The following ZDHHC5 variants were observed in gnomAD, a reference collection of about 807,000 sequenced individuals.
ZDHHC5 encodes the protein zDHHC palmitoyltransferase 5, also known as palmitoyltransferase ZDHHC5.
ZDHHC5 carries 22 observed loss-of-function variants against 70.0 expected under a neutral mutation model. The observed-to-expected ratio is 0.31, with a 90% CI of 0.22 to 0.45. The LOEUF (loss-of-function observed/expected upper bound fraction) is 0.45, where lower values mean the gene tolerates loss of function less well. Ranked by LOEUF, ZDHHC5 falls within the 20% of genes least tolerant of loss-of-function variation. The pLI is 1.00. For synonymous variants in ZDHHC5, 313 were observed against 347.8 expected (o/e 0.90, Z 1.11); for missense variants, 746 against 926.9 (o/e 0.80, Z 2.53).
In ZDHHC5 at chr11:57,672,293, G is replaced by A. The variant is rs959627249; in HGVS notation, c.-798G>A. On this transcript the variant is annotated 5_prime_UTR_variant, in exon 2 of 12. Transcript: ENST00000287169. ...AAAGGGCTTGGGAATAACAAGAAGA[G>A]ATTGAAGACAGAGAAGCTTGCCCTG... 5.0e-6 allele frequency: 2 copies of A among 398,354 alleles called. No individual in the cohort carries two copies. The highest frequency in any genetic ancestry group is 4.1e-5 in the African/African-American group (2 of 48,650). The allele number at this position is 398,354 out of a possible 1,614,324, so 24.7% of individuals were successfully genotyped here.
intron 2 of ZDHHC5, among the ~76,000 whole-genome samples, chr11:57,675,106 G>A (rs1240543644): frequency 6.6e-6 from 1 of 152,122 alleles, no homozygotes; most frequent in African/African-American, 2.4e-5. Flanking sequence ...TTAACTAAGG[G>A]ACATTTATAT....
rs1946316883 is a variant in ZDHHC5, at chr11:57,693,889, A to G, written c.859A>G (p.Ile287Val). The change falls in exon 8 of 12, where the codon ATC becomes GTC. Residue 287 changes from isoleucine to valine, a missense_variant. Transcript: ENST00000287169. ...QITVKIMDNG[I>V]QGELRRTKSK... ...AACTGTGAAGATCATGGATAATGGC[A>G]TCCAGGGAGAGCTGAGGAGAACAAA... is the stretch of plus-strand genomic sequence containing the variant. 1 of 1,613,404 alleles carries G rather than the reference A, an allele frequency of 6.2e-7. No individual in the cohort carries two copies. The highest frequency in any genetic ancestry group is 8.5e-7 in the Non-Finnish European group (1 of 1,179,778).
intron 3 of ZDHHC5, among the ~76,000 whole-genome samples, chr11:57,687,776 T>TC (rs1183597690): frequency 1.7e-5 from 2 of 116,606 alleles, no homozygotes; most frequent in African/African-American, 6.2e-5. Flanking sequence ...TTTTTTTTTT[T>TC]TTTTTTAAGA....
intron 3 of ZDHHC5, among the ~76,000 whole-genome samples, chr11:57,685,645 A>G (rs1946199612): frequency 6.6e-6 from 1 of 152,044 alleles, no homozygotes; most frequent in Admixed American, 6.6e-5. Flanking sequence ...GCAAAACTCC[A>G]TCTGAAGAAA....
chr11:57,700,154 A>G lies in ZDHHC5; in HGVS notation c.*123A>G, dbSNP rs1946422260. On this transcript the variant is annotated 3_prime_UTR_variant, in exon 12 of 12. Transcript: ENST00000287169. Reference sequence around the variant, plus strand: ...GACATTTTTTAAACCACCGATTCCAAGAGGATGAGGAGTGTTTTCTAAAAT... The same window carrying G: ...GACATTTTTTAAACCACCGATTCCAGGAGGATGAGGAGTGTTTTCTAAAAT... 2.3e-6 allele frequency: 3 copies of G among 1,291,364 alleles called. No individual in the cohort carries two copies. The highest frequency in any genetic ancestry group is 3.2e-5 in the Admixed American group (1 of 31,556). The allele number at this position is 1,291,364 out of a possible 1,614,324, so 80.0% of individuals were successfully genotyped here.
intron 2 of ZDHHC5, chr11:57,681,493 C>T (rs969386090): frequency 1.3e-5 from 2 of 152,164 alleles, no homozygotes; most frequent in African/African-American, 4.8e-5. Context: ...GTGTTTGATA[C>T]TACTGACAAA....
rs554233260 is a variant in ZDHHC5 at position 57,672,125 on chromosome 11, G to A, written c.-966G>A. On this transcript the variant is annotated 5_prime_UTR_variant, in exon 2 of 12. Transcript: ENST00000287169. ...GAAACAGGGACATCTTTGGAACTTC[G>A]TTTTCATCCACAGTAAACTTTTGAA... The A allele has an allele frequency of 1.8e-5, 7 of 396,898 alleles. No individual in the cohort carries two copies. Among genetic ancestry groups the A allele is most frequent in the East Asian group, 1.4e-4 (4 of 28,020 alleles). The allele number at this position is 396,898 out of a possible 1,614,324, so 24.6% of individuals were successfully genotyped here. A position where few individuals can be genotyped will look rare whatever the true frequency, so the allele number is the denominator to read the frequency against.
At chr11:57,698,336 G>A (rs1946384291) in intron 10 of ZDHHC5, among the ~76,000 whole-genome samples, 1 of 152,128 alleles carries the variant, frequency 6.6e-6, no homozygotes. Flanking sequence ...TTCTGCCCAC[G>A]GGCGAGATAC....
At position 57,698,590 on chromosome 11, in the gene ZDHHC5, C is replaced by T. The variant is rs138361806; in HGVS notation, c.1154C>T (p.Thr385Ile). 5.8e-5 allele frequency: 93 copies of T among 1,611,788 alleles called. No individual in the cohort carries two copies. The highest frequency in any genetic ancestry group is 7.5e-5 in the Non-Finnish European group (89 of 1,178,910). Reference protein sequence around the residue: ...LSRGDSLKEPTSIAESSRHPS... With the variant: ...LSRGDSLKEPISIAESSRHPS... The stretch of plus-strand genomic sequence containing the variant: ...CGTGGGGACAGCTTGAAGGAGCCAA[C>T]CTCAATTGCAGAGAGCAGCCGTCAC... The change falls in exon 11 of 12, where the codon ACC (threonine) becomes ATC (isoleucine). Residue 385 changes from threonine to isoleucine, a missense_variant. Physicochemically the swap from Thr to Ile is moderately conservative, Grantham distance 89. Transcript: ENST00000287169.
intron 3 of ZDHHC5, among the ~76,000 whole-genome samples, chr11:57,684,820 G>A (rs375576003): frequency 1.3e-5 from 2 of 152,112 alleles, no homozygotes; most frequent in Non-Finnish European, 2.9e-5. Flanking sequence ...AAGTAGTTTC[G>A]GGCTGGCAAC....
At chr11:57,689,383 T>A (rs546928051) in intron 4 of ZDHHC5, among the ~76,000 whole-genome samples, 2 of 151,342 alleles carry the variant, frequency 1.3e-5, no homozygotes, top group Non-Finnish European at 2.9e-5. Context: ...ATATATATAT[T>A]TATTTATTTA....
rs1232774519 is a variant in ZDHHC5, at chr11:57,672,953, G to A, written c.-138G>A. The A allele has an allele frequency of 4.4e-6, 3 of 685,274 alleles. No individual in the cohort carries two copies. Among genetic ancestry groups the A allele is most frequent in the Non-Finnish European group, 7.4e-6 (3 of 406,430 alleles). The allele number at this position is 685,274 out of a possible 1,614,324, so 42.4% of individuals were successfully genotyped here. On this transcript the variant is annotated 5_prime_UTR_variant, in exon 2 of 12. Coordinates refer to ENST00000287169, the MANE Select transcript of ZDHHC5 (RefSeq NM_015457.3). ...CTTTGGCTTTATTTGGGAGGGGGAA[G>A]GGTGATAAAGTTTTCTGTTTCCCTG...
intron 2 of ZDHHC5, among the ~76,000 whole-genome samples, chr11:57,676,703 C>A (rs1336730608): frequency 6.6e-6 from 1 of 151,754 alleles, no homozygotes; most frequent in Non-Finnish European, 1.5e-5. Flanking sequence ...GTGAGGCTGG[C>A]ATATAGAGGC....
At chr11:57,685,781 T>A (rs1946201436) in intron 3 of ZDHHC5, among the ~76,000 whole-genome samples, 1 of 151,950 alleles carries the variant, frequency 6.6e-6, no homozygotes. Flanking sequence ...TAATCCCAAC[T>A]CTTTGGGTGG....
chr11:57,698,521 A>G (rs778075494), intron 10 of ZDHHC5, 38 bp from the exon 11 acceptor site: 4 of 1,543,732 alleles, frequency 2.6e-6, no homozygotes, highest in Admixed American at 4.2e-5. Context: ...TTCTGTCACA[A>G]AAGGAGCACT....
In ZDHHC5 at chr11:57,699,030, C is replaced by T. The variant is rs755342726; in HGVS notation, c.1594C>T (p.Arg532Cys). The T allele has an allele frequency of 3.4e-5, 54 of 1,610,774 alleles. No individual in the cohort carries two copies. The highest frequency in any genetic ancestry group is 2.3e-4 in the Admixed American group (14 of 60,010). ...GPTHREPSPV[R>C]YDNLSRHIVA... ...AACACACCGAGAGCCCTCACCAGTC[C>T]GTTACGACAATCTGTCGCGCCACAT... is the stretch of plus-strand genomic sequence containing the variant. The change falls in exon 11 of 12, where the codon CGT becomes TGT. Residue 532 changes from arginine to cysteine, a missense_variant. Arg to Cys is a radical substitution (Grantham distance 180). Coordinates refer to ENST00000287169, the MANE Select transcript of ZDHHC5 (RefSeq NM_015457.3).
At chr11:57,670,018 C>T (rs1432456310) in intron 1 of ZDHHC5, among the ~76,000 whole-genome samples, 1 of 152,144 alleles carries the variant, frequency 6.6e-6, no homozygotes, top group East Asian at 1.9e-4. Context: ...CCTTTCATGA[C>T]TCTGTATTAC....
chr11:57,684,718 TAA>T (rs1459070363), intron 3 of ZDHHC5, among the ~76,000 whole-genome samples: 1 of 152,164 alleles, frequency 6.6e-6, no homozygotes, highest in Non-Finnish European at 1.5e-5. Context: ...ATCAGTGGAC[TAA>T]AAGGTAGAAA....
At chr11:57,681,238 T>TA (rs1457690274) in intron 2 of ZDHHC5, among the ~76,000 whole-genome samples, 1 of 152,202 alleles carries the variant, frequency 6.6e-6, no homozygotes, top group Non-Finnish European at 1.5e-5. Flanking sequence ...TGGGTGCAGA[T>TA]ACCTTTTCTT....
Sources: allele counts gnomAD v4.1 joint callset (sites outside exome capture counted in the v4.1 genomes callset), GRCh38; gene constraint gnomAD v4.1.1; transcripts MANE v1.5; gene names NCBI Gene and HGNC (gene_info 2026-07-23, HGNC 2026-07-21).